Variants in BRWD1 observed in about 807,000 individuals in gnomAD.
BRWD1 encodes the protein bromodomain and WD repeat-containing protein 1.
Under a neutral mutation model 251.2 loss-of-function variants are expected in BRWD1, and 82 were observed. The ratio of observed to expected loss-of-function variants is 0.33; its 90% CI spans 0.27 to 0.39. The LOEUF is 0.39. BRWD1 is among the 10% of genes least tolerant of loss of function. BRWD1 has a pLI of 1.00. For missense variants in BRWD1, 2,233 were observed against 2,711.6 expected (o/e 0.82, Z 3.92); for synonymous variants, 918 against 902.8 (o/e 1.02, Z -0.30).
chr21:39,307,907 T>A (rs1377659099), intron 4 of BRWD1, among the ~76,000 whole-genome samples: 1 of 152,172 alleles, frequency 6.6e-6, no homozygotes, highest in Non-Finnish European at 1.5e-5. Context: ...ATTCTATAGG[T>A]ATTTCATTTG....
chr21:39,259,747 G>C (rs1448507345), intron 17 of BRWD1, among the ~76,000 whole-genome samples: 1 of 152,124 alleles, frequency 6.6e-6, no homozygotes, highest in Non-Finnish European at 1.5e-5. Flanking sequence ...TGAGTCTAGA[G>C]AATTGCCTGA....
At chr21:39,301,141 T>G (rs1337348881) in intron 4 of BRWD1, among the ~76,000 whole-genome samples, 28 of 147,854 alleles carry the variant, frequency 1.9e-4, no homozygotes, top group Non-Finnish European at 7.4e-5. Context: ...ATGGCGCCAC[T>G]GCACTCCAGC....
intron 5 of BRWD1, chr21:39,296,908 G>A (rs2035976149): frequency 1.0e-6 from 1 of 984,352 alleles, no homozygotes; most frequent in Non-Finnish European, 1.2e-6. Flanking sequence ...TGATTTATAT[G>A]AAAATTCATG....
intron 25 of BRWD1, among the ~76,000 whole-genome samples, chr21:39,231,473 A>AT (rs1018143851): frequency 4.6e-5 from 7 of 151,156 alleles, no homozygotes; most frequent in Middle Eastern, 3.4e-3. Flanking sequence ...GAATATCTGA[A>AT]TTTTTTTTTT....
intron 4 of BRWD1, among the ~76,000 whole-genome samples, chr21:39,306,809 ATAGT>A (rs749044012): frequency 6.6e-6 from 1 of 152,172 alleles, no homozygotes; most frequent in African/African-American, 2.4e-5. Context: ...CCAGAAACAA[ATAGT>A]TACTTTTATT....
intron 17 of BRWD1, among the ~76,000 whole-genome samples, chr21:39,259,961 T>C (rs1476133914): frequency 6.6e-6 from 1 of 152,158 alleles, no homozygotes; most frequent in Admixed American, 6.5e-5. Context: ...CATATAGTAT[T>C]ATGGGATGGG....
intron 12 of BRWD1, among the ~76,000 whole-genome samples, chr21:39,275,142 T>A (rs2035241056): frequency 6.6e-6 from 1 of 152,136 alleles, no homozygotes; most frequent in South Asian, 2.1e-4. Flanking sequence ...ATTTTAAACA[T>A]CTTACTTGTT....
intron 4 of BRWD1, among the ~76,000 whole-genome samples, chr21:39,309,784 C>A (rs8128894): frequency 1.3e-4 from 19 of 146,962 alleles, no homozygotes; most frequent in Middle Eastern, 3.6e-3. Flanking sequence ...GAGATCGCAC[C>A]GCTGCACTCC....
intron 8 of BRWD1, among the ~76,000 whole-genome samples, chr21:39,285,840 T>G (rs1601462577): frequency 9.2e-6 from 1 of 108,886 alleles, no homozygotes; most frequent in African/African-American, 3.7e-5. Flanking sequence ...CTCAGGAGGG[T>G]GAGGGGGGAG....
At chr21:39,264,748 T>C (rs1457294915) in intron 16 of BRWD1, 63 bp from the exon 17 acceptor site, 42 of 1,487,884 alleles carry the variant, frequency 2.8e-5, no homozygotes, top group African/African-American at 1.4e-5. Context: ...GAAACAAATA[T>C]TAAACAGTTA....
At chr21:39,223,465 CAA>C (rs1414555650) in intron 29 of BRWD1, among the ~76,000 whole-genome samples, 1 of 152,024 alleles carries the variant, frequency 6.6e-6, no homozygotes, top group Non-Finnish European at 1.5e-5. Context: ...ACAATGGACA[CAA>C]GAGATATAGA....
chr21:39,228,603 T>C (rs369749138), intron 26 of BRWD1, 21 bp from the exon 27 acceptor site: 56 of 1,462,186 alleles, frequency 3.8e-5, no homozygotes, highest in Middle Eastern at 1.8e-4. Context: ...ATTTAAAAAA[T>C]TGTTAAACTC....
intron 21 of BRWD1, among the ~76,000 whole-genome samples, chr21:39,244,921 A>AATAAATATATATAT (rs1330847340): frequency 2.7e-5 from 3 of 112,522 alleles, no homozygotes; most frequent in Non-Finnish European, 5.7e-5. Flanking sequence ...CTTTGGAAGA[A>AATAAATATATATAT]ATATATATAT....
chr21:39,204,669 C>T (rs568156972), intron 37 of BRWD1, among the ~76,000 whole-genome samples: 11 of 152,242 alleles, frequency 7.2e-5, no homozygotes, highest in South Asian at 6.2e-4. Context: ...CACCAGGGAC[C>T]GGTTTTGTGG....
At chr21:39,278,629 T>A in intron 10 of BRWD1, 114 bp downstream of exon 10, 3 of 693,578 alleles carry the variant, frequency 4.3e-6, no homozygotes, top group Non-Finnish European at 4.6e-6. Flanking sequence ...CCTAATGAAA[T>A]AAACACCAGA....
chr21:39,290,573 G>A (rs950468286), intron 8 of BRWD1, among the ~76,000 whole-genome samples: 18 of 151,764 alleles, frequency 1.2e-4, no homozygotes, highest in African/African-American at 3.6e-4. Flanking sequence ...GTGAGCCCCC[G>A]TTACAAGAAG....
intron 21 of BRWD1, among the ~76,000 whole-genome samples, chr21:39,238,804 C>CA (rs1309712029): frequency 6.6e-6 from 1 of 152,128 alleles, no homozygotes; most frequent in Non-Finnish European, 1.5e-5. Flanking sequence ...ACACTACCAC[C>CA]ATTAGCAAAG....
In BRWD1 at chr21:39,210,486, G is replaced by A. The variant is rs140432558; in HGVS notation, c.4044+300C>T. Among the ~76,000 whole-genome samples the A allele has an allele frequency of 9.3e-4, 142 of 152,130 alleles. 1 individual carries two copies. The highest frequency in any genetic ancestry group is 1.9e-3 in the Non-Finnish European group (131 of 67,974). ...CTTTTTAAAGAGTGCAAACAGACAC[G>A]TTTATCCAATTCACAGTTCTCCTAG... On this transcript the variant is annotated intron_variant, in intron 35 of 40. Transcript: ENST00000342449.
In BRWD1 at chr21:39,188,386, T is replaced by TC. The variant is rs2031362924; in HGVS notation, c.*7872dup. Reference sequence around the variant, plus strand: ...AGATCACTGAAATAACCAGTTGATATCCTCCACCCACACTAGACATCTGGA... The same window carrying TC: ...AGATCACTGAAATAACCAGTTGATATCCCTCCACCCACACTAGACATCTGGA... On this transcript the variant is annotated 3_prime_UTR_variant, in exon 41 of 41. Coordinates refer to ENST00000342449, the MANE Select transcript of BRWD1 (RefSeq NM_033656.4). 1.0e-6 allele frequency: 1 copy of TC among 985,262 alleles called. No individual in the cohort carries two copies. The highest frequency in any genetic ancestry group is 1.7e-5 in the African/African-American group (1 of 57,214). 61.0% of individuals were successfully genotyped at this position (985,262 alleles called of 1,614,324 possible).
Sources: gnomAD v4.1 joint callset for allele counts (sites outside exome capture counted in the v4.1 genomes callset) on GRCh38, gnomAD v4.1.1 for gene constraint, MANE v1.5 for transcripts, NCBI Gene and HGNC (gene_info 2026-07-23, HGNC 2026-07-21) for gene names.